KIF26B: variants seen among roughly 807,000 people sequenced by gnomAD.
The protein encoded by KIF26B is kinesin family member 26B, also known as kinesin-like protein KIF26B.
Under a neutral mutation model 151.2 loss-of-function variants are expected in KIF26B, and 63 were observed. The observed-to-expected ratio is 0.42, with a 90% CI of 0.34 to 0.51. KIF26B has a LOEUF of 0.51. KIF26B is among the 20% of genes least tolerant of loss of function. The pLI, the probability that KIF26B is intolerant of heterozygous loss-of-function variation, is 0.07. For synonymous variants in KIF26B, 1,357 were observed against 1,262.1 expected (o/e 1.08, Z -1.59); for missense variants, 2,813 against 2,913.6 (o/e 0.97, Z 0.79).
rs58724712 is a variant in KIF26B at position 245,408,349 on chromosome 1, CTTTTTT to C, written c.1000-11212_1000-11207del. 3.5e-3 allele frequency among the ~76,000 whole-genome samples: 401 copies of C among 113,304 alleles called. 1 individual carries two copies. Among genetic ancestry groups the C allele is most frequent in the African/African-American group, 0.011 (351 of 32,048 alleles). 74.3% of individuals were successfully genotyped at this position (113,304 alleles called of 152,430 possible). On this transcript the variant is annotated intron_variant, in intron 3 of 14. Coordinates refer to ENST00000407071, the MANE Select transcript of KIF26B (RefSeq NM_018012.4). The stretch of plus-strand genomic sequence containing the variant: ...TCATTCAAATGATTCTTAAATGATT[CTTTTTT>C]TTTTTTTTTTTTTTTTTGAAACACA...
At chr1:245,610,976 G>T (rs1303944163) in intron 8 of KIF26B, among the ~76,000 whole-genome samples, 1 of 152,198 alleles carries the variant, frequency 6.6e-6, no homozygotes, top group Non-Finnish European at 1.5e-5. Context: ...TCAGAAACAT[G>T]AGTTGCCTTT....
At position 245,170,204 on chromosome 1, in the gene KIF26B, C is replaced by A. The variant is rs904121066; in HGVS notation, c.465+13521C>A. ...TGATGCCATCCCACTGACATGGCCT[C>A]CTGTATTCCAGCAAAGAGTGAAATT... On this transcript the variant is annotated intron_variant, in intron 2 of 14. Transcript: ENST00000407071. The surrounding 1 kb of genome is among the most constrained non-coding windows in gnomAD (Gnocchi z 4.4). 3.9e-5 allele frequency among the ~76,000 whole-genome samples: 6 copies of A among 152,150 alleles called. No individual in the cohort carries two copies. The highest frequency in any genetic ancestry group is 8.8e-5 in the Non-Finnish European group (6 of 68,024).
rs2044830710 is a variant in KIF26B, at chr1:245,705,578, A to G, written c.*2972A>G. The G allele has an allele frequency of 6.6e-6, 1 of 152,218 alleles. No homozygotes were observed. The highest frequency in any genetic ancestry group is 2.4e-5 in the African/African-American group (1 of 41,456). The allele number at this position is 152,218 out of a possible 1,614,324, so 9.4% of individuals were successfully genotyped here. A position where few individuals can be genotyped will look rare whatever the true frequency, so the allele number is the denominator to read the frequency against. ...AACCCATTTCTATTTCATTACCCAC[A>G]AGCGAAAGGACTAGAAAAAAATATT... On this transcript the variant is annotated 3_prime_UTR_variant, in exon 15 of 15. Coordinates refer to ENST00000407071, the MANE Select transcript of KIF26B (RefSeq NM_018012.4).
intron 2 of KIF26B, among the ~76,000 whole-genome samples, chr1:245,245,325 G>C (rs894761655): frequency 1.3e-5 from 2 of 152,096 alleles, no homozygotes; most frequent in African/African-American, 2.4e-5. Flanking sequence ...GTCACCCCTC[G>C]GCTGAGTCCC....
intron 10 of KIF26B, among the ~76,000 whole-genome samples, chr1:245,666,443 C>T (rs2044216269): frequency 6.6e-6 from 1 of 152,142 alleles, no homozygotes; most frequent in Admixed American, 6.5e-5. Context: ...TACACTGAGA[C>T]TTCTAGGCAA....
intron 5 of KIF26B, among the ~76,000 whole-genome samples, chr1:245,581,963 A>AGG (rs61498553): frequency 0.032 from 4,879 of 151,050 alleles, 335 homozygotes; most frequent in African/African-American, 0.11. Context: ...GAAGGAAGGA[A>AGG]ATAAATAAGC....
intron 4 of KIF26B, among the ~76,000 whole-genome samples, chr1:245,536,318 C>T (rs1661487247): frequency 6.6e-6 from 1 of 152,190 alleles, no homozygotes; most frequent in South Asian, 2.1e-4. Context: ...CTTCCTCTTT[C>T]TCCAGGTTTC....
At chr1:245,267,530 A>C (rs1276368260) in intron 2 of KIF26B, among the ~76,000 whole-genome samples, 1 of 152,012 alleles carries the variant, frequency 6.6e-6, no homozygotes, top group Non-Finnish European at 1.5e-5. Flanking sequence ...AGAAAAGCTC[A>C]ACTGGAGTTA....
chr1:245,198,871 GTTCT>G (rs1299662581), intron 2 of KIF26B, among the ~76,000 whole-genome samples: 1 of 148,768 alleles, frequency 6.7e-6, no homozygotes, highest in African/African-American at 2.5e-5. Flanking sequence ...TGTAACGGGG[GTTCT>G]AATGTAGACC....
intron 2 of KIF26B, among the ~76,000 whole-genome samples, chr1:245,279,584 C>T (rs931774658): frequency 6.6e-6 from 1 of 152,104 alleles, no homozygotes; most frequent in African/African-American, 2.4e-5. Context: ...ACTGGGATTA[C>T]AGGCATGAGT....
intron 4 of KIF26B, among the ~76,000 whole-genome samples, chr1:245,500,692 C>T (rs904488401): frequency 1.3e-5 from 2 of 152,194 alleles, no homozygotes; most frequent in Non-Finnish European, 2.9e-5. Context: ...TTCACCAGGG[C>T]GAGGGCTGGG....
intron 5 of KIF26B, among the ~76,000 whole-genome samples, chr1:245,547,585 C>CAAAAAAAA (rs56218217): frequency 8.7e-6 from 1 of 114,624 alleles, no homozygotes. Context: ...GACTCCATCT[C>CAAAAAAAA]AAAAAAAAAA....
In KIF26B at chr1:245,684,361, CGA is replaced by C; in HGVS notation, c.2391_2392del (p.Arg797SerfsTer45). 6.2e-7 allele frequency: 1 copy of C among 1,612,892 alleles called. No homozygotes were observed. The highest frequency in any genetic ancestry group is 8.5e-7 in the Non-Finnish European group (1 of 1,179,392). On this transcript the variant is annotated frameshift_variant, in exon 11 of 15. Coordinates refer to ENST00000407071, the MANE Select transcript of KIF26B (RefSeq NM_018012.4). LOFTEE classifies it high-confidence loss of function. The stretch of plus-strand genomic sequence containing the variant: ...ACCCTGTCCACCATCCAGATTGCAT[CGA>C]GAGTCTTGAGGATGAAGAAAAAGAA...
chr1:245,628,348 G>T (rs2043746231), intron 9 of KIF26B, among the ~76,000 whole-genome samples: 1 of 152,224 alleles, frequency 6.6e-6, no homozygotes, highest in African/African-American at 2.4e-5. Flanking sequence ...GGGCATGGTG[G>T]CGGGTGCCTG....
intron 4 of KIF26B, among the ~76,000 whole-genome samples, chr1:245,487,423 G>A (rs1161090106): frequency 6.6e-6 from 1 of 152,138 alleles, no homozygotes; most frequent in Non-Finnish European, 1.5e-5. Flanking sequence ...CTACGTGCTG[G>A]CCAGTACTCT....
chr1:245,483,297 C>T (rs899924505), intron 4 of KIF26B, among the ~76,000 whole-genome samples: 6 of 151,852 alleles, frequency 4.0e-5, no homozygotes, highest in Non-Finnish European at 8.8e-5. Context: ...TTCATCCTCA[C>T]GGGTTCTGCT....
chr1:245,169,707 G>GCC (rs1668678351), intron 2 of KIF26B, among the ~76,000 whole-genome samples: 1 of 152,134 alleles, frequency 6.6e-6, no homozygotes, highest in African/African-American at 2.4e-5. Context: ...GGGGAAGGAA[G>GCC]TTGCCCGGCT....
chr1:245,624,503 G>C (rs1007490740), intron 9 of KIF26B, among the ~76,000 whole-genome samples: 2 of 152,264 alleles, frequency 1.3e-5, no homozygotes, highest in Admixed American at 6.5e-5. Context: ...TTTGCACTTC[G>C]CTAATGACCA....
At chr1:245,461,591 C>T (rs1334609966) in intron 4 of KIF26B, among the ~76,000 whole-genome samples, 1 of 152,074 alleles carries the variant, frequency 6.6e-6, no homozygotes, top group Non-Finnish European at 1.5e-5. Context: ...ATCCTTTGCT[C>T]CCATCACCTC....
Sources: gnomAD v4.1 joint callset for allele counts (sites outside exome capture counted in the v4.1 genomes callset) on GRCh38, gnomAD v4.1.1 for gene constraint, Gnocchi (gnomAD v3.1) non-coding constraint, MANE v1.5 for transcripts, NCBI Gene and HGNC (gene_info 2026-07-23, HGNC 2026-07-21) for gene names.